Variants in WWC1 observed in about 807,000 individuals in gnomAD.
WWC1 encodes protein KIBRA.
WWC1 carries 55 observed loss-of-function variants against 138.4 expected under a neutral mutation model. The ratio of observed to expected loss-of-function variants is 0.40; its 90% CI spans 0.32 to 0.50. The LOEUF (loss-of-function observed/expected upper bound fraction) is 0.50, where lower values mean the gene tolerates loss of function less well. WWC1 is among the 20% of genes least tolerant of loss of function. The probability of loss-of-function intolerance (pLI) is 0.72; values close to 1 mark genes in which losing one functional copy is unlikely to be tolerated. For missense variants in WWC1, 1,226 were observed against 1,420.4 expected (o/e 0.86, Z 2.20); for synonymous variants, 524 against 564.9 (o/e 0.93, Z 1.03).
chr5:168,345,690 G>T (rs1405800728), intron 1 of WWC1, among the ~76,000 whole-genome samples: 1 of 152,208 alleles, frequency 6.6e-6, no homozygotes, highest in Non-Finnish European at 1.5e-5. Flanking sequence ...CTAATGTTAA[G>T]TGGGGAGCAA....
chr5:168,314,605 G>A (rs909890612), intron 1 of WWC1, among the ~76,000 whole-genome samples: 5 of 152,092 alleles, frequency 3.3e-5, no homozygotes, highest in Admixed American at 3.3e-4. Context: ...ATTGCTGTGA[G>A]GGGACTAGCA....
At chr5:168,443,073 CA>C (rs34669686) in intron 16 of WWC1, among the ~76,000 whole-genome samples, 85,629 of 151,618 alleles carry the variant, frequency 0.56, 24,927 homozygotes, top group African/African-American at 0.7. Flanking sequence ...CCGACCACAT[CA>C]AAAAAGTTAA....
chr5:168,406,615 T>C (rs991522905), intron 6 of WWC1, among the ~76,000 whole-genome samples: 1 of 152,204 alleles, frequency 6.6e-6, no homozygotes, highest in Non-Finnish European at 1.5e-5. Flanking sequence ...ACCTGACTTA[T>C]TTTTTCTTTG....
At chr5:168,391,048 A>G (rs1409248138) in intron 3 of WWC1, among the ~76,000 whole-genome samples, 2 of 152,180 alleles carry the variant, frequency 1.3e-5, no homozygotes, top group Non-Finnish European at 2.9e-5. Context: ...TCTGATCTCA[A>G]AATCAATTTT....
At chr5:168,343,710 T>C (rs1210521974) in intron 1 of WWC1, among the ~76,000 whole-genome samples, 2 of 151,746 alleles carry the variant, frequency 1.3e-5, no homozygotes, top group Non-Finnish European at 2.9e-5. Context: ...TAATCGCAGC[T>C]ACTTGGGAGG....
chr5:168,436,139 G>C (rs116780852), intron 15 of WWC1, among the ~76,000 whole-genome samples: 2,455 of 152,148 alleles, frequency 0.016, 83 homozygotes, highest in African/African-American at 0.056. Flanking sequence ...CACCGTGCCT[G>C]GCCTGGCCCT....
intron 17 of WWC1, among the ~76,000 whole-genome samples, chr5:168,446,001 T>C (rs1257119354): frequency 1.3e-5 from 2 of 152,068 alleles, no homozygotes; most frequent in Admixed American, 6.6e-5. Flanking sequence ...TTGGCCAAGC[T>C]TAGCCACTTA....
intron 1 of WWC1, among the ~76,000 whole-genome samples, chr5:168,360,291 A>G (rs1484230461): frequency 6.6e-6 from 1 of 152,174 alleles, no homozygotes; most frequent in Non-Finnish European, 1.5e-5. Flanking sequence ...TTTTGGTGAA[A>G]TAGGGTCTAT....
chr5:168,403,079 T>TTTCTTTCTTTCTTTCTTTC lies in WWC1; in HGVS notation c.591-3117_591-3116insCTTTCTTTCTTTCTTTCTT, dbSNP rs1491364364. Among the ~76,000 whole-genome samples the TTTCTTTCTTTCTTTCTTTC allele has an allele frequency of 1.8e-4, 17 of 95,828 alleles. 2 individuals carry two copies. The highest frequency in any genetic ancestry group is 5.4e-4 in the African/African-American group (13 of 24,212). The allele number at this position is 95,828 out of a possible 152,430, so 62.9% of individuals were successfully genotyped here. On this transcript the variant is annotated intron_variant, in intron 5 of 22. Transcript: ENST00000265293. ...CTTTCTTTCTTTCTTTCTTTCTTTC[T>TTTCTTTCTTTCTTTCTTTC]TTTCTTTCTTTTCTTTCTTTCTTTC...
chr5:168,404,655 G>A (rs1779646422), intron 5 of WWC1, among the ~76,000 whole-genome samples: 2 of 152,214 alleles, frequency 1.3e-5, no homozygotes, highest in South Asian at 4.1e-4. Flanking sequence ...AGGAATGCCT[G>A]TGAGTAGTTT....
chr5:168,302,426 A>T (rs969722942), intron 1 of WWC1, among the ~76,000 whole-genome samples: 1 of 152,114 alleles, frequency 6.6e-6, no homozygotes, highest in Non-Finnish European at 1.5e-5. Context: ...TAAATAGATA[A>T]ATCGCATTAT....
intron 9 of WWC1, chr5:168,415,818 GTGTGTGT>G (rs1780594637): frequency 1.6e-5 from 1 of 63,944 alleles, no homozygotes; most frequent in Non-Finnish European, 2.9e-5. Context: ...GGGGGGGCGT[GTGTGTGT>G]GTGTGTGTGT....
intron 3 of WWC1, among the ~76,000 whole-genome samples, chr5:168,393,941 A>G (rs1247363022): frequency 1.3e-5 from 2 of 152,224 alleles, no homozygotes; most frequent in African/African-American, 4.8e-5. Context: ...AAGGGGAAAA[A>G]AAGTGCTGAA....
intron 1 of WWC1, among the ~76,000 whole-genome samples, chr5:168,355,825 A>G (rs1187313097): frequency 6.6e-6 from 1 of 152,072 alleles, no homozygotes; most frequent in South Asian, 2.1e-4. Context: ...GAGTGTAGGT[A>G]GAAAAACTGA....
At position 168,301,692 on chromosome 5, in the gene WWC1, A is replaced by T. The variant is rs564363709; in HGVS notation, c.119+9421A>T. Among the ~76,000 whole-genome samples, 30 of 152,226 alleles carry T rather than the reference A, an allele frequency of 2.0e-4. 3 individuals carry two copies. In the South Asian group the frequency reaches 6.0e-3, roughly 30 times the overall value. On this transcript the variant is annotated intron_variant, in intron 1 of 22. Transcript: ENST00000265293. ...TGAACCAGTTCCTTCTCAGCTATAA[A>T]ACAAGGATAAGAATAGAACCTACCT...
intron 20 of WWC1, among the ~76,000 whole-genome samples, chr5:168,461,334 GAA>G (rs891856686): frequency 2.7e-5 from 4 of 150,764 alleles, no homozygotes; most frequent in Non-Finnish European, 5.9e-5. Flanking sequence ...TCTGTCTCAG[GAA>G]AAAAAAAGAA....
rs563292781 is a variant in WWC1 at position 168,335,832 on chromosome 5, A to G, written c.120-35592A>G. Among the ~76,000 whole-genome samples, 50 of 152,370 alleles carry G rather than the reference A, an allele frequency of 3.3e-4. No individual in the cohort carries two copies. In the Middle Eastern group the frequency reaches 0.01, roughly 31 times the overall value. On this transcript the variant is annotated intron_variant, in intron 1 of 22. Coordinates refer to ENST00000265293, the MANE Select transcript of WWC1 (RefSeq NM_015238.3). ...AGATATGATTACTTTCATTTCTGAA[A>G]TTACTAAACTGAGGCTTAGAGAAAT...
At chr5:168,384,775 T>A (rs1012920852) in intron 2 of WWC1, among the ~76,000 whole-genome samples, 2 of 146,168 alleles carry the variant, frequency 1.4e-5, no homozygotes, top group Non-Finnish European at 3.0e-5. Flanking sequence ...TGGAGTGCAG[T>A]GGCACGATCT....
At chr5:168,383,196 GAAAAGAAAAAAGA>G (rs1777779114) in intron 2 of WWC1, among the ~76,000 whole-genome samples, 1 of 148,310 alleles carries the variant, frequency 6.7e-6, no homozygotes, top group Non-Finnish European at 1.5e-5. Context: ...AAAAAAAAAA[GAAAAGAAAAAAGA>G]AAAAGAAAAC....
Sources: allele counts gnomAD v4.1 joint callset (sites outside exome capture counted in the v4.1 genomes callset), GRCh38; gene constraint gnomAD v4.1.1; transcripts MANE v1.5; gene names NCBI Gene and HGNC (gene_info 2026-07-23, HGNC 2026-07-21).